The following ATP10B variants were observed in gnomAD, a reference collection of about 807,000 sequenced individuals.
ATP10B encodes phospholipid-transporting ATPase VB.
In ATP10B, 122 loss-of-function variants were observed where a neutral mutation model predicts 141.2. That is an observed-to-expected ratio of 0.86 (90% confidence interval 0.75 to 1.00). The LOEUF is 1.00. Ranked by LOEUF, ATP10B falls within the 50% of genes least tolerant of loss-of-function variation. ATP10B has a pLI of 0.00. For synonymous variants in ATP10B, 685 were observed against 692.0 expected, an observed-to-expected ratio of 0.99 and a Z score of 0.16; for missense variants, 1,876 against 1,825.3, an observed-to-expected ratio of 1.03 and a Z score of -0.51.
intron 20 of ATP10B, 42 bp downstream of exon 20, chr5:160,603,923 A>G (rs773247086): frequency 3.2e-6 from 5 of 1,545,200 alleles, no homozygotes; most frequent in Non-Finnish European, 4.5e-6. Flanking sequence ...TTGTATCTCA[A>G]CTAAGGACCA....
At chr5:160,621,957 A>T (rs149307212) in intron 14 of ATP10B, among the ~76,000 whole-genome samples, 2,338 of 152,346 alleles carry the variant, frequency 0.015, 26 homozygotes, top group Middle Eastern at 0.075. Context: ...TCTGCCATTT[A>T]TGAGCCATAT....
chr5:160,814,171 G>C (rs566096882), intron 1 of ATP10B, among the ~76,000 whole-genome samples: 8 of 152,020 alleles, frequency 5.3e-5, no homozygotes, highest in Admixed American at 5.2e-4. Context: ...GTCTTCAGAC[G>C]ATCAAACTAC....
At chr5:160,760,490 AT>A (rs1223833708) in intron 2 of ATP10B, among the ~76,000 whole-genome samples, 2 of 152,156 alleles carry the variant, frequency 1.3e-5, no homozygotes, top group African/African-American at 4.8e-5. Flanking sequence ...CTACAGTAAA[AT>A]TTTCTAAGAA....
chr5:160,919,093 G>A, the ATP10B span, among the ~76,000 whole-genome samples: 138 of 149,810 alleles, frequency 9.2e-4, no homozygotes, highest in African/African-American at 2.6e-3. Context: ...GCATGGTGGC[G>A]CGCACCTGTA....
At chr5:160,872,189 T>G in the ATP10B span, among the ~76,000 whole-genome samples, 1 of 152,298 alleles carries the variant, frequency 6.6e-6, no homozygotes, top group Middle Eastern at 3.4e-3. Flanking sequence ...GTATATCTTC[T>G]TTTGAGAACT....
the ATP10B span, among the ~76,000 whole-genome samples, chr5:160,914,418 A>G: frequency 5.3e-5 from 8 of 152,176 alleles, no homozygotes; most frequent in Non-Finnish European, 1.2e-4. Context: ...GTGGATGCCC[A>G]AGTCCCTGAA....
the ATP10B span, among the ~76,000 whole-genome samples, chr5:160,900,146 G>A: frequency 4.6e-5 from 7 of 152,034 alleles, no homozygotes; most frequent in Non-Finnish European, 8.8e-5. Flanking sequence ...CTGATCCTGC[G>A]CCTTCCATCT....
At chr5:160,581,752 T>C (rs2098602) in intron 24 of ATP10B, among the ~76,000 whole-genome samples, 113,148 of 152,058 alleles carry the variant, frequency 0.74, 42,203 homozygotes, top group East Asian at 0.85. Flanking sequence ...AGTGGGGTAT[T>C]AAAGCCTCCC....
At chr5:160,643,191 C>A (rs369476474) in intron 9 of ATP10B, among the ~76,000 whole-genome samples, 16 of 152,166 alleles carry the variant, frequency 1.1e-4, no homozygotes, top group Admixed American at 2.6e-4. Flanking sequence ...ACCTGTTTTT[C>A]TTTGACAATC....
chr5:160,911,468 G>GGTGCTT, the ATP10B span, among the ~76,000 whole-genome samples: 1 of 152,166 alleles, frequency 6.6e-6, no homozygotes, highest in Non-Finnish European at 1.5e-5. Flanking sequence ...ATGTGGCCAG[G>GGTGCTT]GTGCTTGAGT....
chr5:160,633,365 G>A (rs576479711), intron 12 of ATP10B: 14 of 152,360 alleles, frequency 9.2e-5, no homozygotes, highest in African/African-American at 3.1e-4. Context: ...ATACACCATG[G>A]AATATTATGC....
chr5:160,736,588 C>T (rs777430772), intron 2 of ATP10B, among the ~76,000 whole-genome samples: 7 of 151,998 alleles, frequency 4.6e-5, no homozygotes, highest in Admixed American at 1.3e-4. Context: ...GGTGAAACCC[C>T]GTCTCTACTA....
At chr5:160,736,767 A>C (rs554322284) in intron 2 of ATP10B, among the ~76,000 whole-genome samples, 5 of 152,304 alleles carry the variant, frequency 3.3e-5, no homozygotes, top group Admixed American at 6.5e-5. Context: ...CTCAAAAGAA[A>C]AAAAAGTCTA....
At chr5:160,864,051 T>C in the ATP10B span, among the ~76,000 whole-genome samples, 1 of 151,846 alleles carries the variant, frequency 6.6e-6, no homozygotes, top group Non-Finnish European at 1.5e-5. Flanking sequence ...ACTGAAACTA[T>C]TAAAGATAAA....
At chr5:160,742,558 G>A (rs1229588209) in intron 2 of ATP10B, among the ~76,000 whole-genome samples, 2 of 152,154 alleles carry the variant, frequency 1.3e-5, no homozygotes, top group East Asian at 3.8e-4. Context: ...ACAGGTCTTT[G>A]CTTTTCACTT....
intron 13 of ATP10B, 86 bp downstream of exon 13, chr5:160,632,043 A>T: frequency 7.9e-7 from 1 of 1,271,186 alleles, no homozygotes; most frequent in Non-Finnish European, 1.1e-6. Context: ...CAGGGTTTGT[A>T]CAATTTTTTC....
chr5:160,770,423 G>A (rs200920158), intron 2 of ATP10B, among the ~76,000 whole-genome samples: 87 of 141,940 alleles, frequency 6.1e-4, no homozygotes, highest in Admixed American at 6.1e-3. Flanking sequence ...GTATATTTTC[G>A]TTTTAGCTGA....
rs1316442784 is a variant in ATP10B at position 160,716,896 on chromosome 5, G to C, written c.-205+13C>G. The stretch of plus-strand genomic sequence containing the variant: ...AAAAGGAAAGAAACGGGGAAGCAAC[G>C]CAAAAGATATACCTGTTAGCGGAGT... On this transcript the variant is annotated intron_variant, in intron 3 of 25. Transcript: ENST00000327245. 1.0e-6 allele frequency: 1 copy of C among 985,148 alleles called. No homozygotes were observed. The highest frequency in any genetic ancestry group is 4.7e-5 in the South Asian group (1 of 21,278). 61.0% of individuals were successfully genotyped at this position (985,148 alleles called of 1,614,324 possible). A position where few individuals can be genotyped will look rare whatever the true frequency, so the allele number is the denominator to read the frequency against.
intron 2 of ATP10B, among the ~76,000 whole-genome samples, chr5:160,750,067 G>T (rs1768053573): frequency 6.6e-6 from 1 of 152,178 alleles, no homozygotes; most frequent in African/African-American, 2.4e-5. Context: ...GGTGTAGAAG[G>T]TATGCAGGTT....
Sources: allele counts gnomAD v4.1 joint callset (sites outside exome capture counted in the v4.1 genomes callset), GRCh38; gene constraint gnomAD v4.1.1; transcripts MANE v1.5; gene names NCBI Gene and HGNC (gene_info 2026-07-23, HGNC 2026-07-21).